MIGA1: variants seen among roughly 807,000 people sequenced by gnomAD.
MIGA1 encodes the protein mitoguardin 1, also known as family with sequence similarity 73, member A.
Under a neutral mutation model 82.0 loss-of-function variants are expected in MIGA1, and 58 were observed. That is an observed-to-expected ratio of 0.71 (90% confidence interval 0.57 to 0.88). MIGA1 has a LOEUF of 0.88. MIGA1 is among the 40% of genes least tolerant of loss of function. The pLI is 0.00. For missense variants in MIGA1, 751 were observed against 749.1 expected, an observed-to-expected ratio of 1.00 and a Z score of -0.03; for synonymous variants, 249 against 253.6, an observed-to-expected ratio of 0.98 and a Z score of 0.17.
At chr1:77,828,412 G>A (rs1397224354) in intron 7 of MIGA1, among the ~76,000 whole-genome samples, 3 of 152,138 alleles carry the variant, frequency 2.0e-5, no homozygotes, top group Non-Finnish European at 2.9e-5. Flanking sequence ...TTCTGCTTAC[G>A]AGGCCCTGCA....
At chr1:77,782,529 A>G (rs1256859372) in intron 1 of MIGA1, among the ~76,000 whole-genome samples, 1 of 152,202 alleles carries the variant, frequency 6.6e-6, no homozygotes, top group Non-Finnish European at 1.5e-5. Flanking sequence ...TCAACTGGGT[A>G]CAGTGGTAAA....
At chr1:77,801,618 C>A in intron 3 of MIGA1, 110 bp downstream of exon 3, 2 of 859,288 alleles carry the variant, frequency 2.3e-6, no homozygotes, top group Non-Finnish European at 1.7e-6. Context: ...TATTATTTAA[C>A]TCAAAAGTAG....
intron 13 of MIGA1, among the ~76,000 whole-genome samples, 177 bp from the exon 14 acceptor site, chr1:77,866,161 C>T (rs942208803): frequency 5.9e-5 from 9 of 152,086 alleles, no homozygotes; most frequent in African/African-American, 7.2e-5. Flanking sequence ...ATGATCCACC[C>T]GCCTCGGCTT....
intron 8 of MIGA1, 123 bp from the exon 9 acceptor site, chr1:77,858,815 T>C: frequency 1.6e-6 from 1 of 610,484 alleles, no homozygotes; most frequent in South Asian, 2.0e-5. Context: ...AGACAGGGTC[T>C]TACCATGTTA....
intron 8 of MIGA1, among the ~76,000 whole-genome samples, chr1:77,843,689 A>C (rs951645267): frequency 6.6e-6 from 1 of 152,172 alleles, no homozygotes. Context: ...AATGGAAAGC[A>C]ATTTTTCAAC....
chr1:77,841,008 C>G (rs1684608218), intron 7 of MIGA1, among the ~76,000 whole-genome samples: 1 of 151,876 alleles, frequency 6.6e-6, no homozygotes, highest in African/African-American at 2.4e-5. Context: ...GTTTAAAAAG[C>G]CTTAATATGC....
intron 8 of MIGA1, chr1:77,848,450 A>G: frequency 1.1e-6 from 1 of 945,984 alleles, no homozygotes; most frequent in East Asian, 2.4e-5. Flanking sequence ...GAGAAAAACA[A>G]GAAGTAAGTG....
chr1:77,787,804 ATTAC>A (rs1298400755), intron 2 of MIGA1, among the ~76,000 whole-genome samples: 1 of 149,226 alleles, frequency 6.7e-6, no homozygotes, highest in Non-Finnish European at 1.5e-5. Context: ...AATTCTGTGA[ATTAC>A]TTTTCTTTTC....
At chr1:77,820,102 A>G (rs1683743306) in intron 7 of MIGA1, among the ~76,000 whole-genome samples, 1 of 147,502 alleles carries the variant, frequency 6.8e-6, no homozygotes, top group African/African-American at 2.5e-5. Context: ...GCTTTTGTGT[A>G]GATCTTTTTT....
At chr1:77,791,356 A>G (rs1172516941) in intron 2 of MIGA1, among the ~76,000 whole-genome samples, 1 of 151,804 alleles carries the variant, frequency 6.6e-6, no homozygotes, top group Non-Finnish European at 1.5e-5. Flanking sequence ...GAGTTCCAGC[A>G]AAGCTGTTGA....
At chr1:77,844,120 A>C (rs1684739015) in intron 8 of MIGA1, among the ~76,000 whole-genome samples, 1 of 69,582 alleles carries the variant, frequency 1.4e-5, no homozygotes, top group Admixed American at 1.6e-4. Context: ...AAAAATATAT[A>C]TATATATATA....
At chr1:77,782,140 C>T (rs982892285) in intron 1 of MIGA1, among the ~76,000 whole-genome samples, 1 of 151,838 alleles carries the variant, frequency 6.6e-6, no homozygotes, top group African/African-American at 2.4e-5. Flanking sequence ...TGTGCCCAGC[C>T]GCAAATAAAC....
chr1:77,842,714 A>C (rs1012031359), intron 7 of MIGA1, among the ~76,000 whole-genome samples: 4 of 151,694 alleles, frequency 2.6e-5, no homozygotes, highest in African/African-American at 9.7e-5. Flanking sequence ...TAATTTTTGT[A>C]TTTTTTTAGT....
At chr1:77,796,088 C>T (rs1024495132) in intron 2 of MIGA1, among the ~76,000 whole-genome samples, 1 of 151,666 alleles carries the variant, frequency 6.6e-6, no homozygotes, top group South Asian at 2.1e-4. Context: ...TCAGAATTTG[C>T]ACCCCAATAC....
At chr1:77,871,124 A>AGGG (rs1312774623) in intron 14 of MIGA1, among the ~76,000 whole-genome samples, 2 of 2,580 alleles carry the variant, frequency 7.8e-4, no homozygotes, top group Non-Finnish European at 1.6e-3. Context: ...GGAGAGGGAG[A>AGGG]GGAGGGAGAG....
intron 8 of MIGA1, chr1:77,848,084 A>G (rs1684911702): frequency 1.5e-6 from 2 of 1,299,004 alleles, no homozygotes; most frequent in Non-Finnish European, 2.2e-6. Flanking sequence ...AGAAAAGGGA[A>G]GATCAGCACC....
intron 7 of MIGA1, among the ~76,000 whole-genome samples, chr1:77,823,926 G>A (rs918121378): frequency 1.3e-5 from 2 of 152,176 alleles, no homozygotes; most frequent in Non-Finnish European, 2.9e-5. Flanking sequence ...TTTGTGAATA[G>A]CCTATAAACC....
chr1:77,875,167 A>C lies in MIGA1; in HGVS notation c.*103A>C. 1.1e-6 allele frequency: 1 copy of C among 913,586 alleles called. No homozygotes were observed. Among genetic ancestry groups the C allele is most frequent in the Non-Finnish European group, 1.7e-6 (1 of 601,092 alleles). 56.6% of individuals were successfully genotyped at this position (913,586 alleles called of 1,614,324 possible). ...AAGTTAACAGAATTGATGCATGTGGATTCAGGGAGGAAAAAAAAATCTACT... is the reference window on the plus strand; with the variant it reads ...AAGTTAACAGAATTGATGCATGTGGCTTCAGGGAGGAAAAAAAAATCTACT... On this transcript the variant is annotated 3_prime_UTR_variant, in exon 16 of 16. Transcript: ENST00000370791.
intron 2 of MIGA1, among the ~76,000 whole-genome samples, chr1:77,788,324 A>C (rs776774683): frequency 6.6e-5 from 10 of 152,058 alleles, no homozygotes; most frequent in Non-Finnish European, 1.2e-4. Flanking sequence ...TTTTTAGTAG[A>C]GACGGGGTTT....
Sources: gnomAD v4.1 joint callset for allele counts (sites outside exome capture counted in the v4.1 genomes callset) on GRCh38, gnomAD v4.1.1 for gene constraint, MANE v1.5 for transcripts, NCBI Gene and HGNC (gene_info 2026-07-23, HGNC 2026-07-21) for gene names.